Variants in H3C4 observed in about 807,000 individuals in gnomAD.
H3C4 encodes the protein histone H3.1.
In H3C4, 10 loss-of-function variants were observed where a neutral mutation model predicts 8.7. That is an observed-to-expected ratio of 1.15 (90% CI 0.71 to 1.96). H3C4 has a LOEUF of 1.96. H3C4 is among the 30% of genes most tolerant of loss of function. The pLI is 0.00. For missense variants in H3C4, 216 were observed against 192.9 expected (o/e 1.12, Z -0.71); for synonymous variants, 141 against 80.1 (o/e 1.76, Z -4.06).
At chr6:26,198,439 C>G (rs1765033072), upstream of H3C4, among the ~76,000 whole-genome samples, 1 of 152,186 alleles carries the variant, frequency 6.6e-6, no homozygotes, top group Non-Finnish European at 1.5e-5. Context: ...TCAACATTTT[C>G]TCCTGCCTCA....
rs1272032097 is a variant in H3C4, at chr6:26,197,240, G to A, written c.11C>T (p.Thr4Ile). ...CGTGGACTTGCGAGCAGTCTGCTTG[G>A]TACGAGCCATTGCGAACTTCTAAAC... MAR[T>I]KQTARKSTGG... The change falls in exon 1 of 1, where the codon ACC (threonine) becomes ATC (isoleucine). Residue 4 changes from threonine to isoleucine, a missense_variant. Coordinates refer to ENST00000356476, the MANE Select transcript of H3C4 (RefSeq NM_001376937.1). 1 of 1,611,556 alleles carries A rather than the reference G, an allele frequency of 6.2e-7. No individual in the cohort carries two copies. Among genetic ancestry groups the A allele is most frequent in the Non-Finnish European group, 8.5e-7 (1 of 1,179,414 alleles).
rs762957938 is a variant in H3C4 at position 26,197,119 on chromosome 6, G to C, written c.132C>G (p.Pro44=). 1.9e-6 allele frequency: 3 copies of C among 1,614,054 alleles called. No homozygotes were observed. In the South Asian group the frequency reaches 3.3e-5, roughly 18 times the overall value. ...GGATCTCGCGCAGAGCCACCGTGCC[G>C]GGCCGGTAACGGTGGGGCTTCTTCA... ...GGVKKPHRYR[P]GTVALREIRR... Residue 44 remains proline (P), a synonymous_variant, in exon 1 of 1, where the codon CCC becomes CCG. Transcript: ENST00000356476.
upstream of H3C4, chr6:26,198,705 C>G: frequency 1.3e-6 from 1 of 757,924 alleles, no homozygotes; most frequent in Non-Finnish European, 2.1e-6. Context: ...AGAACACCCA[C>G]TTATAAATGG....
upstream of H3C4, chr6:26,198,856 T>A (rs765769347): frequency 6.2e-7 from 1 of 1,611,580 alleles, no homozygotes; most frequent in Admixed American, 1.7e-5. Flanking sequence ...TCGTTTTACT[T>A]GCCCTTGGCC....
Position 26,197,246 on chromosome 6 carries a change from G to C in H3C4, c.5C>G (p.Ala2Gly), listed in dbSNP as rs1249330554. 1.2e-6 allele frequency: 2 copies of C among 1,610,312 alleles called. No individual in the cohort carries two copies. Among genetic ancestry groups the C allele is most frequent in the Non-Finnish European group, 8.5e-7 (1 of 1,179,132 alleles). ...CTTGCGAGCAGTCTGCTTGGTACGAGCCATTGCGAACTTCTAAACCCTGCT... is the reference window on the plus strand; with the variant it reads ...CTTGCGAGCAGTCTGCTTGGTACGACCCATTGCGAACTTCTAAACCCTGCT... M[A>G]RTKQTARKST... The change falls in exon 1 of 1, where the codon GCT becomes GGT. Residue 2 changes from alanine (A) to glycine (G), a missense_variant. Coordinates refer to ENST00000356476, the MANE Select transcript of H3C4 (RefSeq NM_001376937.1).
chr6:26,198,087 T>C (rs1765023414), upstream of H3C4, among the ~76,000 whole-genome samples: 1 of 152,144 alleles, frequency 6.6e-6, no homozygotes, highest in Admixed American at 6.5e-5. Flanking sequence ...CAAAAAATAC[T>C]TACAAATTAC....
upstream of H3C4, chr6:26,198,850 T>TTTAC: frequency 6.2e-7 from 1 of 1,611,354 alleles, no homozygotes. Flanking sequence ...GAGTTCTCGT[T>TTTAC]TTACTTGCCC....
At chr6:26,199,219 C>G (rs779214122), upstream of H3C4, 3 of 1,606,290 alleles carry the variant, frequency 1.9e-6, no homozygotes, top group Non-Finnish European at 2.5e-6. Flanking sequence ...CGGGCCTTTC[C>G]GCCTTGCTTG....
chr6:26,197,349 C>A, upstream of H3C4: 1 of 1,306,436 alleles, frequency 7.7e-7, no homozygotes, highest in Non-Finnish European at 1.1e-6. Context: ...GACAAGGCAG[C>A]CTTTCCCCTG....
upstream of H3C4, chr6:26,199,210 G>A (rs374947872): frequency 1.9e-6 from 3 of 1,608,836 alleles, no homozygotes; most frequent in South Asian, 2.2e-5. Context: ...GCCTTAGCTC[G>A]GGCCTTTCCG....
At chr6:26,198,790 G>A, upstream of H3C4, 3 of 1,519,746 alleles carry the variant, frequency 2.0e-6, no homozygotes, top group South Asian at 3.5e-5. Context: ...TACATGGGTG[G>A]CTCTGAAAAG....
upstream of H3C4, chr6:26,199,060 C>A (rs377604459): frequency 1.9e-6 from 3 of 1,614,212 alleles, no homozygotes; most frequent in Non-Finnish European, 2.5e-6. Flanking sequence ...TCCAGGATCT[C>A]GGCGGTCAGG....
At chr6:26,199,133 C>A (rs767965602), upstream of H3C4, 1 of 1,614,246 alleles carries the variant, frequency 6.2e-7, no homozygotes, top group East Asian at 2.2e-5. Context: ...AGTAGTTGCC[C>A]TTGCGGAGCA....
At position 26,197,074 on chromosome 6, in the gene H3C4, G is replaced by C. The variant is rs963931164; in HGVS notation, c.177C>G (p.Thr59=). Residue 59 remains threonine (T), a synonymous_variant, in exon 1 of 1, where the codon ACC becomes ACG. Transcript: ENST00000356476. ...LREIRRYQKS[T]ELLIRKLPFQ... is the part of the protein sequence containing the mutation. ...ATGGCAGTTTGCGAATCAGCAGCTC[G>C]GTCGACTTCTGGTAGCGGCGGATCT... 6.2e-7 allele frequency: 1 copy of C among 1,614,192 alleles called. No individual in the cohort carries two copies.
At chr6:26,197,514 G>A (rs1765003229), upstream of H3C4, among the ~76,000 whole-genome samples, 1 of 151,856 alleles carries the variant, frequency 6.6e-6, no homozygotes, top group African/African-American at 2.4e-5. Flanking sequence ...ACGTACTTTG[G>A]TTTTCCTTGG....
At chr6:26,199,004 G>A (rs762950765), upstream of H3C4, 50 of 1,614,060 alleles carry the variant, frequency 3.1e-5, no homozygotes, top group Non-Finnish European at 3.5e-5. Flanking sequence ...GGTGTCGGGG[G>A]ATGATGCGGG....
rs750904441 is a variant in H3C4 at position 26,197,182 on chromosome 6, G to A, written c.69C>T (p.Thr23=). The change falls in exon 1 of 1, where the codon ACC becomes ACT. Residue 23 remains threonine, a synonymous_variant. Transcript: ENST00000356476. ...CTGGAGCGCTCTTTCGAGCAGCCTT[G>A]GTGGCCAGCTGCTTGCGTGGCGCTT... ...GGKAPRKQLA[T]KAARKSAPAT... is the part of the protein sequence containing the mutation. 37 of 1,613,966 alleles carry A rather than the reference G, an allele frequency of 2.3e-5. No individual in the cohort carries two copies. In the South Asian group the frequency reaches 4.0e-4, roughly 17 times the overall value.
At chr6:26,197,360 C>A (rs574025638), upstream of H3C4, 139 of 1,152,588 alleles carry the variant, frequency 1.2e-4, 2 homozygotes, top group Middle Eastern at 1.9e-3. Flanking sequence ...CTTTCCCCTG[C>A]AGCTCGATTG....
upstream of H3C4, chr6:26,198,850 T>C: frequency 6.2e-7 from 1 of 1,611,352 alleles, no homozygotes; most frequent in East Asian, 2.2e-5. Context: ...GAGTTCTCGT[T>C]TTACTTGCCC....
Sources: allele counts gnomAD v4.1 joint callset (sites outside exome capture counted in the v4.1 genomes callset), GRCh38; gene constraint gnomAD v4.1.1; transcripts MANE v1.5; gene names NCBI Gene and HGNC (gene_info 2026-07-23, HGNC 2026-07-21).